SPOCD1: variants seen among roughly 807,000 people sequenced by gnomAD.
SPOCD1 encodes SPOC domain-containing protein 1.
Under a neutral mutation model 92.2 loss-of-function variants are expected in SPOCD1, and 64 were observed. The ratio of observed to expected loss-of-function variants is 0.69; its 90% CI spans 0.57 to 0.86. The LOEUF (loss-of-function observed/expected upper bound fraction) is 0.86. Among genes scored for constraint, SPOCD1 ranks in the 40% least tolerant of loss-of-function variants. The probability of loss-of-function intolerance (pLI) is 0.00; values close to 1 mark genes in which losing one functional copy is unlikely to be tolerated. For missense variants in SPOCD1, 1,360 were observed against 1,543.1 expected, an observed-to-expected ratio of 0.88 and a Z score of 1.99; for synonymous variants, 578 against 619.3, an observed-to-expected ratio of 0.93 and a Z score of 0.99.
chr1:31,796,519 T>A (rs1648034464), intron 10 of SPOCD1, 71 bp downstream of exon 10: 2 of 1,612,890 alleles, frequency 1.2e-6, no homozygotes, highest in Admixed American at 3.3e-5. Flanking sequence ...AAGACCACAC[T>A]GCTGGTGAGG....
rs1648154615 is a variant in SPOCD1 at position 31,798,118 on chromosome 1, C to G, written c.2145+89G>C. On this transcript the variant is annotated intron_variant, in intron 9 of 15. Coordinates refer to ENST00000360482, the MANE Select transcript of SPOCD1 (RefSeq NM_144569.7). This position sits in a 1 kb window ranked among gnomAD's most constrained non-coding sequence, Gnocchi z 4.1. ...CTTTCTGAATTCCTCCTCCCTCCCTCCCTGTCTCTGTCTCTCCCTCTTCCA... is the reference window on the plus strand; with the variant it reads ...CTTTCTGAATTCCTCCTCCCTCCCTGCCTGTCTCTGTCTCTCCCTCTTCCA... The G allele has an allele frequency of 3.1e-6, 3 of 965,462 alleles. No homozygotes were observed. The highest frequency in any genetic ancestry group is 3.5e-5 in the Admixed American group (2 of 57,502). The allele number at this position is 965,462 out of a possible 1,614,324, so 59.8% of individuals were successfully genotyped here.
At position 31,796,643 on chromosome 1, in the gene SPOCD1, C is replaced by T. The variant is rs1291888859; in HGVS notation, c.2218G>A (p.Glu740Lys). 5.0e-6 allele frequency: 8 copies of T among 1,614,248 alleles called. No individual in the cohort carries two copies. Among genetic ancestry groups the T allele is most frequent in the African/African-American group, 2.7e-5 (2 of 75,062 alleles). Residue 740 changes from glutamate to lysine, a missense_variant, in exon 10 of 16, where the codon GAA becomes AAA. Glu to Lys is a moderately conservative substitution (Grantham distance 56). Around this residue, in one of 3 missense-constraint regions of SPOCD1, gnomAD observed 614 missense variants for 757.8 expected, o/e 0.81. Transcript: ENST00000360482. ...TCCATGTCCCGCTGAATCTCCACTT[C>T]GCCCTTGTGGGTCATTTTGGAGGCT... ...LPASKMTHKGEVEIQRDMDQT... is the reference protein window; with the variant it reads ...LPASKMTHKGKVEIQRDMDQT...
At chr1:31,812,915 T>G (rs111976928) in intron 2 of SPOCD1, among the ~76,000 whole-genome samples, 295 of 152,356 alleles carry the variant, frequency 1.9e-3, no homozygotes, top group African/African-American at 6.5e-3. Context: ...ATCATGCATA[T>G]TCAATAAATG....
chr1:31,800,503 A>T lies in SPOCD1; in HGVS notation c.1540T>A (p.Ser514Thr), dbSNP rs755145430. 39 of 1,612,318 alleles carry T rather than the reference A, an allele frequency of 2.4e-5. No individual in the cohort carries two copies. Among genetic ancestry groups the T allele is most frequent in the African/African-American group, 5.3e-5 (4 of 74,866 alleles). ...LEDLMEVSSP[S>T]PAQRLRRKKR... ...TTCCTTCTGAGCCTCTGGGCAGGTG[A>T]GGGTGAGCTGACCTCCATCAAGTCC... is the stretch of plus-strand genomic sequence containing the variant. Residue 514 changes from serine (S) to threonine (T), a missense_variant, in exon 4 of 16, where the codon TCA (serine) becomes ACA (threonine). This residue lies in a region of SPOCD1 where 606 missense variants were observed against 601.5 expected (regional missense o/e 1.01). Transcript: ENST00000360482.
At chr1:31,793,236 G>A in intron 13 of SPOCD1, 42 bp downstream of exon 13, 5 of 1,548,866 alleles carry the variant, frequency 3.2e-6, no homozygotes, top group Non-Finnish European at 3.5e-6. Flanking sequence ...GCCTGGGCTG[G>A]TCAGTGTGTA....
Position 31,814,631 on chromosome 1 carries a change from C to A in SPOCD1, c.703G>T (p.Asp235Tyr). ...GGGTCTCCCACAGACAGGAGGTTGT[C>A]CCCACGAGGGCTCTGATCAAGCCAC... Reference protein sequence around the residue: ...FLWLDQSPRGDNLLSVGDPPQ... With the variant: ...FLWLDQSPRGYNLLSVGDPPQ... The change falls in exon 2 of 16, where the codon GAC becomes TAC. Residue 235 changes from aspartate to tyrosine, a missense_variant. Transcript: ENST00000360482. This position sits in a 1 kb window ranked among gnomAD's most constrained non-coding sequence, Gnocchi z 4.2. 6.5e-7 allele frequency: 1 copy of A among 1,534,568 alleles called. No individual in the cohort carries two copies. The highest frequency in any genetic ancestry group is 8.8e-7 in the Non-Finnish European group (1 of 1,141,448).
rs375690024 is a variant in SPOCD1, at chr1:31,791,049, A to C, written c.3205T>G (p.Trp1069Gly). Residue 1069 changes from tryptophan (W) to glycine (G), a missense_variant, in exon 16 of 16, where the codon TGG (tryptophan) becomes GGG (glycine). Trp to Gly is a radical substitution (Grantham distance 184, BLOSUM62 -2). Coordinates refer to ENST00000360482, the MANE Select transcript of SPOCD1 (RefSeq NM_144569.7). ...CTGCCCCTGCCCTGGCTCTGCTGCC[A>C]GGCACCTCCTGGGGGAGGGGTGCCC... ...LKGTPPPGGA[W>G]QQSQGRGSIA... The C allele has an allele frequency of 1.1e-4, 177 of 1,612,624 alleles. No homozygotes were observed. Among genetic ancestry groups the C allele is most frequent in the Non-Finnish European group, 1.4e-4 (169 of 1,179,790 alleles).
chr1:31,799,934 C>T, intron 5 of SPOCD1, 71 bp from the exon 6 acceptor site: 1 of 1,613,094 alleles, frequency 6.2e-7, no homozygotes, highest in Admixed American at 1.7e-5. Flanking sequence ...ACACTGCTTC[C>T]TCTAGTCACC....
At position 31,793,840 on chromosome 1, in the gene SPOCD1, T is replaced by C; in HGVS notation, c.2441A>G (p.Asp814Gly). The C allele has an allele frequency of 6.2e-7, 1 of 1,614,166 alleles. No homozygotes were observed. Among genetic ancestry groups the C allele is most frequent in the Non-Finnish European group, 8.5e-7 (1 of 1,180,020 alleles). ...GSFEAAKSCG[D>G]NIFQKALSQT... The stretch of plus-strand genomic sequence containing the variant: ...GCTTAGGGCTTTCTGGAAGATATTG[T>C]CCCCGCAGCTCTTGGCGGCTTCGAA... The change falls in exon 12 of 16, where the codon GAC becomes GGC. Residue 814 changes from aspartate to glycine, a missense_variant. Physicochemically the swap from Asp to Gly is moderately conservative, Grantham distance 94. Transcript: ENST00000360482.
chr1:31,801,765 G>A, intron 2 of SPOCD1, 60 bp from the exon 3 acceptor site: 1 of 1,369,168 alleles, frequency 7.3e-7, no homozygotes, highest in East Asian at 2.3e-5. Context: ...CCCATGGCAG[G>A]GAATTCACAA....
chr1:31,812,756 G>A (rs561780983), intron 2 of SPOCD1, among the ~76,000 whole-genome samples: 2 of 152,312 alleles, frequency 1.3e-5, no homozygotes, highest in Non-Finnish European at 2.9e-5. Context: ...CGACTGTGCC[G>A]ATAACACAGA....
In SPOCD1 at chr1:31,791,270, G is replaced by GA; in HGVS notation, c.2983dup (p.Ser995PhefsTer48). ...CTCCAGACCTGGGGAAAGGAGAGGGGAGACAGGAAGAGCCCAAAGGCCTGC... is the reference window on the plus strand; with the variant it reads ...CTCCAGACCTGGGGAAAGGAGAGGGGAAGACAGGAAGAGCCCAAAGGCCTGC... On this transcript the variant is annotated frameshift_variant, in exon 16 of 16. Transcript: ENST00000360482. LOFTEE classifies it low-confidence loss of function (END_TRUNC). 1 of 1,542,452 alleles carries GA rather than the reference G, an allele frequency of 6.5e-7. No homozygotes were observed. Among genetic ancestry groups the GA allele is most frequent in the Non-Finnish European group, 8.7e-7 (1 of 1,143,732 alleles).
intron 2 of SPOCD1, among the ~76,000 whole-genome samples, chr1:31,803,578 GAAA>G (rs34105123): frequency 7.0e-6 from 1 of 143,564 alleles, no homozygotes; most frequent in East Asian, 2.0e-4. Context: ...ACAAAAACAA[GAAA>G]AAAAAAAAAA....
intron 2 of SPOCD1, among the ~76,000 whole-genome samples, chr1:31,811,688 C>G (rs1451376706): frequency 1.3e-5 from 2 of 152,222 alleles, no homozygotes; most frequent in Non-Finnish European, 2.9e-5. Flanking sequence ...ACTGTGCCCC[C>G]CATTGCCCAG....
chr1:31,793,127 C>G, intron 13 of SPOCD1, 151 bp downstream of exon 13: 1 of 985,730 alleles, frequency 1.0e-6, no homozygotes, highest in South Asian at 1.7e-5. Flanking sequence ...GGACCAACAT[C>G]TCATTTGCCC....
intron 2 of SPOCD1, among the ~76,000 whole-genome samples, chr1:31,811,674 G>A (rs1227188933): frequency 2.0e-5 from 3 of 152,162 alleles, no homozygotes; most frequent in African/African-American, 4.8e-5. Flanking sequence ...CAGACCAGCC[G>A]GGCACTGTGC....
At position 31,814,296 on chromosome 1, in the gene SPOCD1, G is replaced by GAC. The variant is rs1557833708; in HGVS notation, c.1036_1037dup (p.Val347SerfsTer80). 5.7e-6 allele frequency: 9 copies of GAC among 1,575,994 alleles called. No homozygotes were observed. The highest frequency in any genetic ancestry group is 5.3e-5 in the Admixed American group (3 of 56,586). On this transcript the variant is annotated frameshift_variant, in exon 2 of 16. Transcript: ENST00000360482. LOFTEE classifies it high-confidence loss of function. This position sits in a 1 kb window ranked among gnomAD's most constrained non-coding sequence, Gnocchi z 4.2. The stretch of plus-strand genomic sequence containing the variant: ...GGCCTTCATCGCTGCCAGTCCGCAC[G>GAC]ACACACACAGCTTCTTGCTGCTCTG...
chr1:31,793,106 C>G (rs147621662), intron 13 of SPOCD1, among the ~76,000 whole-genome samples, 172 bp downstream of exon 13: 1 of 152,346 alleles, frequency 6.6e-6, no homozygotes, highest in African/African-American at 2.4e-5. Flanking sequence ...CTGTTTGTCT[C>G]TGTAGGAATG....
rs764598721 is a variant in SPOCD1 at position 31,796,677 on chromosome 1, G to A, written c.2184C>T (p.Cys728=). 5.0e-6 allele frequency: 8 copies of A among 1,614,086 alleles called. No homozygotes were observed. The African/African-American group carries it at 1.1e-4, about 22-fold the overall frequency. Residue 728 remains cysteine (C), a synonymous_variant, in exon 10 of 16, where the codon TGC becomes TGT. Transcript: ENST00000360482. ...GGGTCATTTTGGAGGCTGGAAGTCT[G>A]CACGGCTCCTTCTGTTGCTGCTCAA... The part of the protein sequence containing the change: ...NIIEQQQKEP[C]RLPASKMTHK...
Sources: allele counts gnomAD v4.1 joint callset (sites outside exome capture counted in the v4.1 genomes callset), GRCh38; gene constraint gnomAD v4.1.1; regional missense constraint gnomAD v4.1.1; non-coding constraint Gnocchi (gnomAD v3.1); transcripts MANE v1.5; gene names NCBI Gene and HGNC (gene_info 2026-07-23, HGNC 2026-07-21).